The following ITGA11 variants were observed in gnomAD, a reference collection of about 807,000 sequenced individuals.
The protein encoded by ITGA11 is integrin alpha-11.
A neutral mutation model predicts 141.9 loss-of-function variants in ITGA11; 97 were observed. The observed-to-expected ratio is 0.68, with a 90% CI of 0.58 to 0.81. The LOEUF (loss-of-function observed/expected upper bound fraction) is 0.81. Ranked by LOEUF, ITGA11 falls within the 30% of genes least tolerant of loss-of-function variation. The pLI is 0.00. For synonymous variants in ITGA11, 658 were observed against 624.6 expected (o/e 1.05, Z -0.80); for missense variants, 1,387 against 1,559.2 (o/e 0.89, Z 1.86).
At chr15:68,424,611 C>T (rs1897097151) in intron 1 of ITGA11, among the ~76,000 whole-genome samples, 1 of 152,338 alleles carries the variant, frequency 6.6e-6, no homozygotes. Context: ...CCTGCCTTCC[C>T]TCCTAGTGCT....
rs554004842 is a variant in ITGA11 at position 68,422,419 on chromosome 15, C to T, written c.52+9596G>A. ...CCAGGCCCTGTTAAATTCTATCCCC[C>T]TGGGTTCACTCCTTTTGCATCTCAC... On this transcript the variant is annotated intron_variant, in intron 1 of 29. Coordinates refer to ENST00000315757, the MANE Select transcript of ITGA11 (RefSeq NM_001004439.2). Among the ~76,000 whole-genome samples, 6 of 152,196 alleles carry T rather than the reference C, an allele frequency of 3.9e-5. No homozygotes were observed. In the South Asian group the frequency reaches 1.2e-3, roughly 32 times the overall value.
chr15:68,369,665 A>C (rs1895528193), intron 2 of ITGA11, among the ~76,000 whole-genome samples: 1 of 152,192 alleles, frequency 6.6e-6, no homozygotes. Context: ...AGTCATTCTG[A>C]CAAAGGAATG....
chr15:68,334,486 C>T (rs1018873541), intron 12 of ITGA11, among the ~76,000 whole-genome samples: 7 of 152,114 alleles, frequency 4.6e-5, no homozygotes, highest in African/African-American at 1.7e-4. Flanking sequence ...TCTGGCTTAG[C>T]GTGTTTTCAG....
chr15:68,406,092 C>T (rs974663187), intron 1 of ITGA11, among the ~76,000 whole-genome samples: 2 of 152,038 alleles, frequency 1.3e-5, no homozygotes, highest in African/African-American at 4.8e-5. Flanking sequence ...ACTTCCAGGC[C>T]TGCAGAGGGG....
At chr15:68,431,885 C>G in intron 1 of ITGA11, 130 bp downstream of exon 1, 1 of 571,722 alleles carries the variant, frequency 1.7e-6, no homozygotes, top group Non-Finnish European at 2.7e-6. Flanking sequence ...GGGGGACCCA[C>G]GTCCCCAAGA....
Position 68,299,038 on chromosome 15 carries a change from TCAAAA to T in ITGA11, c.*4016_*4020del, listed in dbSNP as rs753316363. On this transcript the variant is annotated 3_prime_UTR_variant, in exon 30 of 30. Coordinates refer to ENST00000315757, the MANE Select transcript of ITGA11 (RefSeq NM_001004439.2). ...CTGGGCAACAGAGTGAGACACTGTC[TCAAAA>T]CAAACCATGCAAAGCTGATTAGAAA... is the stretch of plus-strand genomic sequence containing the variant. 1 of 152,226 alleles carries T rather than the reference TCAAAA, an allele frequency of 6.6e-6. No homozygotes were observed. Among genetic ancestry groups the T allele is most frequent in the Non-Finnish European group, 1.5e-5 (1 of 68,056 alleles). 9.4% of individuals were successfully genotyped at this position (152,226 alleles called of 1,614,324 possible). A position where few individuals can be genotyped will look rare whatever the true frequency, so the allele number is the denominator to read the frequency against.
chr15:68,299,452 A>G lies in ITGA11; in HGVS notation c.*3607T>C, dbSNP rs1199554764. ...TTTTTTAAATTATAAGAAGGAGTGCAGGATAAAAGGCTGGAACCACATTAG... is the reference window on the plus strand; with the variant it reads ...TTTTTTAAATTATAAGAAGGAGTGCGGGATAAAAGGCTGGAACCACATTAG... On this transcript the variant is annotated 3_prime_UTR_variant, in exon 30 of 30. Coordinates refer to ENST00000315757, the MANE Select transcript of ITGA11 (RefSeq NM_001004439.2). 2 of 151,746 alleles carry G rather than the reference A, an allele frequency of 1.3e-5. No homozygotes were observed. The highest frequency in any genetic ancestry group is 2.9e-5 in the Non-Finnish European group (2 of 67,962). The allele number at this position is 151,746 out of a possible 1,614,324, so 9.4% of individuals were successfully genotyped here. A position where few individuals can be genotyped will look rare whatever the true frequency, so the allele number is the denominator to read the frequency against.
intron 22 of ITGA11, among the ~76,000 whole-genome samples, chr15:68,314,327 T>C (rs1893496084): frequency 6.6e-6 from 1 of 152,238 alleles, no homozygotes; most frequent in African/African-American, 2.4e-5. Flanking sequence ...CGGGGGCAGC[T>C]CCTACAGGGC....
Position 68,431,718 on chromosome 15 carries a change from A to C in ITGA11, c.52+297T>G, listed in dbSNP as rs1897274424. On this transcript the variant is annotated intron_variant, in intron 1 of 29. Coordinates refer to ENST00000315757, the MANE Select transcript of ITGA11 (RefSeq NM_001004439.2). ...GAACCCCGGCATGGGCCTTGGAGGC[A>C]CCTAAGGCGCCCAGGAGGGCCACCA... 2.0e-5 allele frequency among the ~76,000 whole-genome samples: 3 copies of C among 152,202 alleles called. No individual in the cohort carries two copies. In the South Asian group the frequency reaches 6.2e-4, roughly 32 times the overall value.
intron 24 of ITGA11, among the ~76,000 whole-genome samples, chr15:68,311,990 AACAAGCC>A (rs1893404217): frequency 6.6e-6 from 1 of 152,128 alleles, no homozygotes; most frequent in African/African-American, 2.4e-5. Flanking sequence ...GCCTCTCTTG[AACAAGCC>A]ATGCAGGGCT....
chr15:68,317,458 A>C (rs1893627430), intron 20 of ITGA11, 95 bp from the exon 21 acceptor site: 1 of 858,844 alleles, frequency 1.2e-6, no homozygotes, highest in African/African-American at 1.7e-5. Flanking sequence ...CCCACTCTGC[A>C]GGGGCCGCCT....
At chr15:68,393,142 G>T (rs958377857) in intron 2 of ITGA11, among the ~76,000 whole-genome samples, 5 of 152,158 alleles carry the variant, frequency 3.3e-5, no homozygotes, top group Admixed American at 3.3e-4. Context: ...CAGAAAGCTG[G>T]ATTAGTGACC....
At chr15:68,348,426 T>C (rs1894805256) in intron 10 of ITGA11, among the ~76,000 whole-genome samples, 1 of 152,220 alleles carries the variant, frequency 6.6e-6, no homozygotes. Context: ...CCACCTGCCC[T>C]AGATTTTGCA....
rs188836901 is a variant in ITGA11, at chr15:68,309,504, G to C, written c.3174+1490C>G. On this transcript the variant is annotated intron_variant, in intron 26 of 29. Coordinates refer to ENST00000315757, the MANE Select transcript of ITGA11 (RefSeq NM_001004439.2). ...CTCAACATAAGCCCATCAAGTTCAAGACACTTTTGTAAGCAATGATACCAA... is the reference window on the plus strand; with the variant it reads ...CTCAACATAAGCCCATCAAGTTCAACACACTTTTGTAAGCAATGATACCAA... 7.3e-5 allele frequency among the ~76,000 whole-genome samples: 11 copies of C among 151,122 alleles called. No individual in the cohort carries two copies. The East Asian group carries it at 2.1e-3, about 29-fold the overall frequency.
chr15:68,324,987 G>A lies in ITGA11; in HGVS notation c.2322+144C>T. The A allele has an allele frequency of 1.5e-6, 1 of 670,804 alleles. No individual in the cohort carries two copies. Among genetic ancestry groups the A allele is most frequent in the South Asian group, 1.7e-5 (1 of 58,138 alleles). The allele number at this position is 670,804 out of a possible 1,614,324, so 41.6% of individuals were successfully genotyped here. On this transcript the variant is annotated intron_variant, in intron 18 of 29. Coordinates refer to ENST00000315757, the MANE Select transcript of ITGA11 (RefSeq NM_001004439.2). The surrounding 1 kb of genome is among the most constrained non-coding windows in gnomAD (Gnocchi z 6.3). Reference sequence around the variant, plus strand: ...GAGAGGCAGGAAGGAGCCACACTGTGGGTTTGCCAGGACAGGAGGTGGGAA... The same window carrying A: ...GAGAGGCAGGAAGGAGCCACACTGTAGGTTTGCCAGGACAGGAGGTGGGAA...
intron 1 of ITGA11, 101 bp downstream of exon 1, chr15:68,431,914 T>C: frequency 1.2e-6 from 1 of 813,808 alleles, no homozygotes; most frequent in Non-Finnish European, 1.7e-6. Flanking sequence ...GGTCTGACCC[T>C]GGGAGGAGGG....
At chr15:68,402,045 G>A (rs560659368) in intron 2 of ITGA11, among the ~76,000 whole-genome samples, 42 of 150,702 alleles carry the variant, frequency 2.8e-4, no homozygotes, top group Admixed American at 2.7e-3. Flanking sequence ...GTAAGGGGGT[G>A]CGGGGAGCAC....
At chr15:68,411,285 T>G (rs928793579) in intron 1 of ITGA11, among the ~76,000 whole-genome samples, 2 of 152,210 alleles carry the variant, frequency 1.3e-5, no homozygotes, top group Non-Finnish European at 2.9e-5. Context: ...ATTTCAGCTC[T>G]GACAACCACA....
chr15:68,382,038 T>A (rs1274278425), intron 2 of ITGA11, among the ~76,000 whole-genome samples: 1 of 152,216 alleles, frequency 6.6e-6, no homozygotes, highest in Non-Finnish European at 1.5e-5. Context: ...GGAATCATTG[T>A]TTACATGGAC....
Sources: gnomAD v4.1 joint callset for allele counts (sites outside exome capture counted in the v4.1 genomes callset) on GRCh38, gnomAD v4.1.1 for gene constraint, Gnocchi (gnomAD v3.1) non-coding constraint, MANE v1.5 for transcripts, NCBI Gene and HGNC (gene_info 2026-07-23, HGNC 2026-07-21) for gene names.